ARVCF: variants seen among roughly 807,000 people sequenced by gnomAD.
The protein encoded by ARVCF is ARVCF delta catenin family member.
A neutral mutation model predicts 90.9 loss-of-function variants in ARVCF; 66 were observed. The observed-to-expected ratio is 0.73, with a 90% confidence interval of 0.60 to 0.89. The LOEUF (loss-of-function observed/expected upper bound fraction) is 0.89. Ranked by LOEUF, ARVCF falls within the 40% of genes least tolerant of loss-of-function variation. The pLI is 0.00. For synonymous variants in ARVCF, 653 were observed against 603.4 expected, an observed-to-expected ratio of 1.08 and a Z score of -1.21; for missense variants, 1,469 against 1,382.3, an observed-to-expected ratio of 1.06 and a Z score of -1.00.
chr22:19,986,973 G>A (rs1943807476), intron 3 of ARVCF: 3 of 624,166 alleles, frequency 4.8e-6, no homozygotes, highest in Non-Finnish European at 8.7e-6. Flanking sequence ...TCGGGCCAGC[G>A]GCTCCGCGGA....
At chr22:20,009,559 G>A (rs558043855) in intron 2 of ARVCF, among the ~76,000 whole-genome samples, 1 of 152,302 alleles carries the variant, frequency 6.6e-6, no homozygotes, top group African/African-American at 2.4e-5. Context: ...ACAGGCAGAT[G>A]GCCAGGGTGG....
intron 3 of ARVCF, among the ~76,000 whole-genome samples, chr22:19,989,341 T>C (rs1943940430): frequency 6.6e-6 from 1 of 152,110 alleles, no homozygotes; most frequent in Non-Finnish European, 1.5e-5. Context: ...CTGGGCCTTC[T>C]ATGTGGGTCT....
intron 2 of ARVCF, among the ~76,000 whole-genome samples, chr22:20,004,841 AAATG>A (rs1230867458): frequency 6.6e-6 from 1 of 152,232 alleles, no homozygotes; most frequent in African/African-American, 2.4e-5. Flanking sequence ...ACACACACGT[AAATG>A]AATGAACTCA....
Position 19,981,418 on chromosome 22 carries a change from G to A in ARVCF, c.689C>T (p.Pro230Leu). 5.1e-6 allele frequency: 8 copies of A among 1,576,936 alleles called. No individual in the cohort carries two copies. The highest frequency in any genetic ancestry group is 6.9e-6 in the Non-Finnish European group (8 of 1,163,614). ...CACCGGGAAGGCTTCCCGGTGGCCA[G>A]GCAGTGTGAAGCAGCCATCACCAGG... is the stretch of plus-strand genomic sequence containing the variant. ...PGPGDGCFTL[P>L]GHREAFPVGP... Residue 230 changes from proline (P) to leucine (L), a missense_variant, in exon 5 of 20, where the codon CCT becomes CTT. By Grantham distance (98) the Pro-to-Leu change is moderately conservative. Coordinates refer to ENST00000263207, the MANE Select transcript of ARVCF (RefSeq NM_001670.3).
Position 19,973,040 on chromosome 22 carries a change from T to TGGGGCCG in ARVCF, c.2439-11_2439-5dup. The TGGGGCCG allele has an allele frequency of 6.2e-7, 1 of 1,611,810 alleles. No homozygotes were observed. The highest frequency in any genetic ancestry group is 8.5e-7 in the Non-Finnish European group (1 of 1,179,502). The stretch of plus-strand genomic sequence containing the variant: ...CTTCGCTTCGCGTACCGATTGGCTG[T>TGGGGCCG]GGGGCCGGGGGCGGGGTCAGTGGTG... On this transcript the variant is annotated splice_region_variant and splice_polypyrimidine_tract_variant and intron_variant, in intron 14 of 19. Transcript: ENST00000263207.
Position 19,970,663 on chromosome 22 carries a change from C to G in ARVCF, c.*93G>C. 1 of 1,286,574 alleles carries G rather than the reference C, an allele frequency of 7.8e-7. No individual in the cohort carries two copies. The highest frequency in any genetic ancestry group is 1.0e-6 in the Non-Finnish European group (1 of 987,488). The allele number at this position is 1,286,574 out of a possible 1,614,324, so 79.7% of individuals were successfully genotyped here. On this transcript the variant is annotated 3_prime_UTR_variant, in exon 20 of 20. Coordinates refer to ENST00000263207, the MANE Select transcript of ARVCF (RefSeq NM_001670.3). ...TGCCAACCCCTGCCGCCAGGGGGCT[C>G]CAAGCTCCACGGCACGATCTGCTCA...
downstream of ARVCF, among the ~76,000 whole-genome samples, chr22:19,966,502 G>GACAT (rs1205323507): frequency 6.6e-6 from 1 of 150,734 alleles, no homozygotes; most frequent in Non-Finnish European, 1.5e-5. Flanking sequence ...GTGCAGTGAT[G>GACAT]ACATCATAGC....
downstream of ARVCF, chr22:19,969,270 G>A (rs1306807953): frequency 5.1e-5 from 8 of 155,522 alleles, 1 homozygote; most frequent in Non-Finnish European, 1.1e-4. Context: ...CCTGGGAAAC[G>A]AAGAGGAGTC....
At chr22:19,974,608 C>T (rs539743363) in intron 11 of ARVCF, among the ~76,000 whole-genome samples, 2 of 152,226 alleles carry the variant, frequency 1.3e-5, no homozygotes, top group South Asian at 4.1e-4. Context: ...CCCACCCTCC[C>T]TGGCAACAAG....
intron 2 of ARVCF, among the ~76,000 whole-genome samples, chr22:19,992,164 G>A (rs1490987054): frequency 2.0e-5 from 3 of 152,230 alleles, no homozygotes; most frequent in Non-Finnish European, 4.4e-5. Flanking sequence ...CCCACCGACA[G>A]CTGGGAAAAC....
chr22:19,991,974 A>T (rs73387748), intron 2 of ARVCF, among the ~76,000 whole-genome samples: 5,734 of 152,338 alleles, frequency 0.038, 371 homozygotes, highest in African/African-American at 0.13. Context: ...CACGGGGAGG[A>T]CACGCACTGC....
intron 3 of ARVCF, 44 bp downstream of exon 3, chr22:19,990,541 C>T (rs899534857): frequency 6.4e-7 from 1 of 1,558,676 alleles, no homozygotes; most frequent in Admixed American, 1.8e-5. Flanking sequence ...TGATTGTTTT[C>T]CCACTTGGCA....
chr22:19,991,709 C>T (rs1944033585), intron 2 of ARVCF, among the ~76,000 whole-genome samples: 1 of 152,084 alleles, frequency 6.6e-6, no homozygotes, highest in African/African-American at 2.4e-5. Context: ...CAAACCAGCA[C>T]TTTCCCTCCC....
At position 19,974,130 on chromosome 22, in the gene ARVCF, G is replaced by A. The variant is rs762502292; in HGVS notation, c.2070C>T (p.Leu690=). Residue 690 remains leucine (L), a synonymous_variant, in exon 12 of 20, where the codon CTC becomes CTT. Coordinates refer to ENST00000263207, the MANE Select transcript of ARVCF (RefSeq NM_001670.3). ...LEAAAGALQN[L]SAGNWMWATY... ...CCCTCACCATCCAGTTGCCGGCACT[G>A]AGGTTCTGCAGAGCGCCGGCGGCAG... 6.2e-6 allele frequency: 10 copies of A among 1,611,870 alleles called. No homozygotes were observed. The highest frequency in any genetic ancestry group is 8.5e-6 in the Non-Finnish European group (10 of 1,179,404).
chr22:19,984,385 C>T (rs574332574), intron 3 of ARVCF, among the ~76,000 whole-genome samples: 3 of 152,160 alleles, frequency 2.0e-5, no homozygotes, highest in African/African-American at 4.8e-5. Flanking sequence ...ACCTGGCAAC[C>T]CTGCGGCACC....
At chr22:19,999,856 C>T (rs576475694) in intron 2 of ARVCF, among the ~76,000 whole-genome samples, 2 of 152,202 alleles carry the variant, frequency 1.3e-5, no homozygotes, top group South Asian at 2.1e-4. Context: ...CCTGTGAAGC[C>T]GAGAGATAAG....
chr22:19,987,931 G>C (rs1943880111), intron 3 of ARVCF, among the ~76,000 whole-genome samples: 1 of 152,196 alleles, frequency 6.6e-6, no homozygotes. Context: ...AGTGAAAAAT[G>C]GGAGGGGAAG....
chr22:19,971,327 G>C lies in ARVCF; in HGVS notation c.2790C>G (p.Pro930=). The C allele has an allele frequency of 6.4e-7, 1 of 1,553,676 alleles. No individual in the cohort carries two copies. The highest frequency in any genetic ancestry group is 2.4e-5 in the East Asian group (1 of 41,472). The change falls in exon 19 of 20, where the codon CCC becomes CCG. Residue 930 remains proline, a synonymous_variant. Transcript: ENST00000263207. ...ASEKEPLKLD[P]SRKAPPPGPS... is the part of the protein sequence containing the mutation. Reference sequence around the variant, plus strand: ...GCCCGGGGGGAGGGGCCTTCCTGCTGGGGTCGAGCTGCAGCGCACGGGTGG... The same window carrying C: ...GCCCGGGGGGAGGGGCCTTCCTGCTCGGGTCGAGCTGCAGCGCACGGGTGG...
chr22:19,974,074 C>A, intron 12 of ARVCF, 38 bp downstream of exon 12: 1 of 1,579,382 alleles, frequency 6.3e-7, no homozygotes, highest in Non-Finnish European at 8.6e-7. Context: ...GATTCCCTCT[C>A]TCAGGACTTG....
Sources: gnomAD v4.1 joint callset for allele counts (sites outside exome capture counted in the v4.1 genomes callset) on GRCh38, gnomAD v4.1.1 for gene constraint, MANE v1.5 for transcripts, NCBI Gene and HGNC (gene_info 2026-07-23, HGNC 2026-07-21) for gene names.